Variants in AOX1 observed in about 807,000 individuals in gnomAD.
The protein encoded by AOX1 is aldehyde oxidase.
In AOX1, 153 loss-of-function variants were observed where a neutral mutation model predicts 169.5. That is an observed-to-expected ratio of 0.90 (90% CI 0.79 to 1.03). The LOEUF (loss-of-function observed/expected upper bound fraction) is 1.03, where lower values mean the gene tolerates loss of function less well. Among genes scored for constraint, AOX1 ranks in the 50% least tolerant of loss-of-function variants. AOX1 has a pLI of 0.00. For synonymous variants in AOX1, 562 were observed against 581.9 expected (o/e 0.97, Z 0.49); for missense variants, 1,656 against 1,663.9 (o/e 1.00, Z 0.08).
At chr2:200,590,397 A>T (rs2106363597) in intron 1 of AOX1, among the ~76,000 whole-genome samples, 1 of 152,214 alleles carries the variant, frequency 6.6e-6, no homozygotes, top group Admixed American at 6.5e-5. Context: ...AACTGGCAAC[A>T]TCTCTCAAAT....
intron 7 of AOX1, 36 bp downstream of exon 7, chr2:200,603,392 A>C: frequency 1.6e-5 from 25 of 1,542,768 alleles, no homozygotes; most frequent in Non-Finnish European, 2.2e-5. Context: ...AGGCTTTCTC[A>C]GGACATGAAC....
At chr2:200,644,786 T>C (rs1467207244) in intron 25 of AOX1, among the ~76,000 whole-genome samples, 1 of 152,158 alleles carries the variant, frequency 6.6e-6, no homozygotes, top group African/African-American at 2.4e-5. Flanking sequence ...TGTTTTATTA[T>C]TATCATTATT....
intron 22 of AOX1, among the ~76,000 whole-genome samples, chr2:200,637,872 C>T (rs2035267891): frequency 1.3e-5 from 2 of 152,148 alleles, no homozygotes; most frequent in African/African-American, 4.8e-5. Context: ...GTAGTTAGAT[C>T]TGCATTCTTC....
intron 25 of AOX1, among the ~76,000 whole-genome samples, chr2:200,647,136 A>AT (rs1032981873): frequency 1.3e-5 from 2 of 151,260 alleles, no homozygotes; most frequent in Non-Finnish European, 3.0e-5. Flanking sequence ...TTTGTTTTTT[A>AT]TTTTTTTGTT....
intron 32 of AOX1, 21 bp from the exon 33 acceptor site, chr2:200,668,594 C>A (rs750776522): frequency 6.3e-7 from 1 of 1,579,914 alleles, no homozygotes; most frequent in Non-Finnish European, 8.6e-7. Context: ...CGTGGAAATT[C>A]TTTTTTTGTT....
chr2:200,591,555 C>T (rs563710281), intron 1 of AOX1, among the ~76,000 whole-genome samples: 1 of 152,248 alleles, frequency 6.6e-6, no homozygotes, highest in South Asian at 2.1e-4. Flanking sequence ...TCTTGTATTC[C>T]GGAAATAGTT....
At chr2:200,598,470 C>A (rs1468949431) in intron 4 of AOX1, among the ~76,000 whole-genome samples, 2 of 152,038 alleles carry the variant, frequency 1.3e-5, no homozygotes, top group Non-Finnish European at 2.9e-5. Context: ...CTAGGCCAGG[C>A]GTGGTAGCTC....
chr2:200,653,798 A>G (rs535019609), intron 26 of AOX1, among the ~76,000 whole-genome samples: 2 of 152,304 alleles, frequency 1.3e-5, no homozygotes, highest in South Asian at 2.1e-4. Flanking sequence ...TTCCAACAGT[A>G]TGTGCTCACT....
At chr2:200,599,559 A>G in intron 4 of AOX1, 61 bp from the exon 5 acceptor site, 63 of 1,110,828 alleles carry the variant, frequency 5.7e-5, no homozygotes, top group Non-Finnish European at 7.0e-5. Context: ...TGCAGGCTCT[A>G]ATTCATTAGG....
rs765471606 is a variant in AOX1, at chr2:200,609,076, TA to T, written c.1001del (p.Tyr334SerfsTer5). The T allele has an allele frequency of 2.9e-5, 46 of 1,613,966 alleles. No homozygotes were observed. The highest frequency in any genetic ancestry group is 3.7e-5 in the Non-Finnish European group (44 of 1,180,006). On this transcript the variant is annotated frameshift_variant, in exon 11 of 35. Transcript: ENST00000374700. LOFTEE classifies it high-confidence loss of function. ...QKLPEEKTQM[Y>X]HALLKHLGTL... ...GCTTCCAGAGGAGAAGACACAGATG[TA>T]CCATGCTCTCCTGAAGCATTTGGGA... is the stretch of plus-strand genomic sequence containing the variant.
chr2:200,668,995 C>G (rs542913362), intron 33 of AOX1, among the ~76,000 whole-genome samples, 192 bp downstream of exon 33: 2 of 152,274 alleles, frequency 1.3e-5, no homozygotes, highest in East Asian at 3.9e-4. Flanking sequence ...AACTTAACAT[C>G]AACTACTATT....
intron 13 of AOX1, among the ~76,000 whole-genome samples, 158 bp from the exon 14 acceptor site, chr2:200,612,451 G>A (rs1189918986): frequency 6.6e-6 from 1 of 152,162 alleles, no homozygotes; most frequent in Non-Finnish European, 1.5e-5. Context: ...CGTCCAGCAC[G>A]TAGGTGATGC....
rs1313915488 is a variant in AOX1, at chr2:200,595,343, T to C, written c.175T>C (p.Tyr59His). The change falls in exon 3 of 35, where the codon TAC (tyrosine) becomes CAC (histidine). Residue 59 changes from tyrosine (Y) to histidine (H), a missense_variant. By Grantham distance (83) the Tyr-to-His change is moderately conservative. Coordinates refer to ENST00000374700, the MANE Select transcript of AOX1 (RefSeq NM_001159.4). ...TGCTTGTACAGTGATGATATCACGATACAACCCCATCACCAAGAGGATAAG... is the reference window on the plus strand; with the variant it reads ...TGCTTGTACAGTGATGATATCACGACACAACCCCATCACCAAGAGGATAAG... ...CGACTVMISR[Y>H]NPITKRIRHH... 1 of 1,612,914 alleles carries C rather than the reference T, an allele frequency of 6.2e-7. No homozygotes were observed. The highest frequency in any genetic ancestry group is 1.7e-5 in the Admixed American group (1 of 59,954).
At chr2:200,610,145 C>T (rs536143170) in intron 12 of AOX1, among the ~76,000 whole-genome samples, 59 of 151,276 alleles carry the variant, frequency 3.9e-4, no homozygotes, top group African/African-American at 1.4e-3. Context: ...AATCTCAGCT[C>T]ACTGCAACCT....
rs2034868641 is a variant in AOX1 at position 200,620,747 on chromosome 2, A to G, written c.1802A>G (p.Asp601Gly). The G allele has an allele frequency of 6.2e-7, 1 of 1,609,136 alleles. No individual in the cohort carries two copies. The highest frequency in any genetic ancestry group is 1.3e-5 in the African/African-American group (1 of 74,636). The change falls in exon 17 of 35, where the codon GAT becomes GGT. Residue 601 changes from aspartate to glycine, a missense_variant. Transcript: ENST00000374700. ...GCCACGGGGGAGGCCATCTACTGTG[A>G]TGACATGCCTCTGGTGGACCAGGAA... ...KHATGEAIYC[D>G]DMPLVDQELF...
intron 28 of AOX1, among the ~76,000 whole-genome samples, 166 bp downstream of exon 28, chr2:200,659,459 C>G (rs1235881541): frequency 6.6e-6 from 1 of 152,202 alleles, no homozygotes; most frequent in African/African-American, 2.4e-5. Context: ...GCTGGAAATG[C>G]CACCTCTTTT....
chr2:200,616,797 A>G (rs2034766921), intron 16 of AOX1, among the ~76,000 whole-genome samples: 1 of 152,214 alleles, frequency 6.6e-6, no homozygotes, highest in Non-Finnish European at 1.5e-5. Flanking sequence ...TTAGTAAGTC[A>G]AGAACATGAA....
In AOX1 at chr2:200,651,211, C is replaced by T. The variant is rs1392139133; in HGVS notation, c.3075+10C>T. The T allele has an allele frequency of 6.2e-7, 1 of 1,612,286 alleles. No individual in the cohort carries two copies. Among genetic ancestry groups the T allele is most frequent in the Admixed American group, 1.7e-5 (1 of 60,008 alleles). On this transcript the variant is annotated intron_variant, in intron 26 of 34. Transcript: ENST00000374700. The stretch of plus-strand genomic sequence containing the variant: ...ACGTGCTGCTGGTCAGGTGAGTTCT[C>T]CAAATGCACATGAGGATGCTGCCTG...
chr2:200,623,307 AC>A (rs1022971282), intron 18 of AOX1, among the ~76,000 whole-genome samples: 1 of 151,910 alleles, frequency 6.6e-6, no homozygotes, highest in Non-Finnish European at 1.5e-5. Flanking sequence ...CTAGCTGTCA[AC>A]CCCCCCAGGA....
Sources: allele counts gnomAD v4.1 joint callset (sites outside exome capture counted in the v4.1 genomes callset), GRCh38; gene constraint gnomAD v4.1.1; transcripts MANE v1.5; gene names NCBI Gene and HGNC (gene_info 2026-07-23, HGNC 2026-07-21).